Variants in GPC5 observed in about 807,000 individuals in gnomAD.
The protein encoded by GPC5 is glypican 5, also known as glypican-5.
Under a neutral mutation model 53.9 loss-of-function variants are expected in GPC5, and 47 were observed. The ratio of observed to expected loss-of-function variants is 0.87; its 90% confidence interval spans 0.69 to 1.11. The LOEUF (loss-of-function observed/expected upper bound fraction) is 1.11. GPC5 is among the 50% of genes most tolerant of loss of function. GPC5 has a pLI of 0.00. For synonymous variants in GPC5, 286 were observed against 263.3 expected (o/e 1.09, Z -0.84); for missense variants, 748 against 713.1 (o/e 1.05, Z -0.56).
At chr13:92,559,330 ATGTGTGTGTGTGTGTG>A (rs5805755) in intron 7 of GPC5, among the ~76,000 whole-genome samples, 2 of 143,118 alleles carry the variant, frequency 1.4e-5, no homozygotes, top group Non-Finnish European at 3.1e-5. Flanking sequence ...TAGTGTGTAT[ATGTGTGTGTGTGTGTG>A]TGTGTGTGTG....
intron 7 of GPC5, among the ~76,000 whole-genome samples, chr13:92,426,032 T>C (rs1876817123): frequency 6.6e-6 from 1 of 152,096 alleles, no homozygotes. Context: ...TTATTCTACT[T>C]TTCTGTTAAA....
chr13:92,422,535 T>C (rs1876624380), intron 7 of GPC5, among the ~76,000 whole-genome samples: 1 of 129,888 alleles, frequency 7.7e-6, no homozygotes, highest in African/African-American at 3.0e-5. Flanking sequence ...CACACACAAC[T>C]TCTTGGAAAG....
chr13:92,753,799 G>C (rs1278281834), intron 7 of GPC5, among the ~76,000 whole-genome samples: 1 of 152,106 alleles, frequency 6.6e-6, no homozygotes, highest in Non-Finnish European at 1.5e-5. Flanking sequence ...AAAAAGAAAT[G>C]AGCAAAGCCT....
Position 92,193,400 on chromosome 13 carries a change from G to A in GPC5, c.1561+48411G>A, listed in dbSNP as rs886076814. 1.3e-5 allele frequency among the ~76,000 whole-genome samples: 2 copies of A among 152,058 alleles called. 1 individual carries two copies. Among genetic ancestry groups the A allele is most frequent in the Admixed American group, 1.3e-4 (2 of 15,268 alleles). On this transcript the variant is annotated intron_variant, in intron 7 of 7. Transcript: ENST00000377067. ...ACAAATTCTGAACTCCATATCTCCA[G>A]TACTGTGAAAGAGTAACAGTATTCA...
chr13:92,463,805 A>G (rs747495423), intron 7 of GPC5, among the ~76,000 whole-genome samples: 8 of 152,210 alleles, frequency 5.3e-5, no homozygotes, highest in Non-Finnish European at 1.0e-4. Context: ...ATGAAATGTC[A>G]CATTTTTATT....
chr13:92,478,275 G>C (rs971425457), intron 7 of GPC5, among the ~76,000 whole-genome samples: 2 of 152,152 alleles, frequency 1.3e-5, no homozygotes, highest in African/African-American at 4.8e-5. Context: ...AATGTTGAAT[G>C]TCAAAACCTG....
chr13:92,606,896 C>A (rs2139089280), intron 7 of GPC5, among the ~76,000 whole-genome samples: 1 of 152,214 alleles, frequency 6.6e-6, no homozygotes, highest in South Asian at 2.1e-4. Flanking sequence ...ACTTTATAAG[C>A]AATTACTCCA....
chr13:91,593,926 AG>A lies in GPC5; in HGVS notation c.326-99260del, dbSNP rs1369468840. Among the ~76,000 whole-genome samples, 20 of 152,094 alleles carry A rather than the reference AG, an allele frequency of 1.3e-4. No individual in the cohort carries two copies. In the East Asian group the frequency reaches 1.9e-3, roughly 15 times the overall value. On this transcript the variant is annotated intron_variant, in intron 2 of 7. Transcript: ENST00000377067. The stretch of plus-strand genomic sequence containing the variant: ...CACAAAGAACTAAAAAAAAAAAAAA[AG>A]AATGTTATTTGACAGGTTAAATAAA...
chr13:92,150,484 T>G (rs191599899), intron 7 of GPC5, among the ~76,000 whole-genome samples: 1 of 152,162 alleles, frequency 6.6e-6, no homozygotes, highest in Admixed American at 6.5e-5. Context: ...TCCATTTTGG[T>G]TTCTAAATAA....
At chr13:91,818,181 C>T (rs965138760) in intron 5 of GPC5, among the ~76,000 whole-genome samples, 22 of 152,056 alleles carry the variant, frequency 1.4e-4, no homozygotes, top group African/African-American at 3.4e-4. Flanking sequence ...GCAGTTGGTA[C>T]GAAAATATTT....
At chr13:92,068,155 T>A (rs879867189) in intron 6 of GPC5, among the ~76,000 whole-genome samples, 7 of 151,982 alleles carry the variant, frequency 4.6e-5, no homozygotes, top group African/African-American at 1.4e-4. Context: ...CACATGTAGA[T>A]TGAACCTTGT....
intron 5 of GPC5, among the ~76,000 whole-genome samples, chr13:91,768,120 G>C (rs117389613): frequency 6.6e-5 from 10 of 152,234 alleles, no homozygotes; most frequent in Non-Finnish European, 1.2e-4. Context: ...TAAATTCACT[G>C]TTGAATGATT....
chr13:91,957,140 A>C (rs376890893), intron 6 of GPC5, among the ~76,000 whole-genome samples: 1 of 152,318 alleles, frequency 6.6e-6, no homozygotes, highest in East Asian at 1.9e-4. Context: ...ATAGTAAAAA[A>C]ATGGAAATTC....
intron 6 of GPC5, among the ~76,000 whole-genome samples, chr13:92,094,034 C>A (rs1452690293): frequency 6.6e-6 from 1 of 152,070 alleles, no homozygotes; most frequent in Admixed American, 6.6e-5. Flanking sequence ...CCTCATAATG[C>A]TATCATTTGA....
chr13:91,940,065 AT>A (rs1171847711), intron 6 of GPC5, among the ~76,000 whole-genome samples: 3 of 151,966 alleles, frequency 2.0e-5, no homozygotes, highest in Non-Finnish European at 4.4e-5. Context: ...CCCCTATTCT[AT>A]TTTGTTTTAA....
chr13:92,071,196 A>G (rs1278789293), intron 6 of GPC5, among the ~76,000 whole-genome samples: 2 of 152,170 alleles, frequency 1.3e-5, no homozygotes, highest in Admixed American at 6.6e-5. Context: ...AGATTGTGCC[A>G]CTACAATCCA....
intron 7 of GPC5, among the ~76,000 whole-genome samples, chr13:92,294,826 C>CTTTTTTTTTTT (rs147963724): frequency 1.9e-4 from 19 of 98,998 alleles, no homozygotes; most frequent in South Asian, 3.6e-4. Context: ...TTTTTTTTTT[C>CTTTTTTTTTTT]TTTTTTTTTT....
At chr13:92,866,113 C>T (rs1379481359) in intron 7 of GPC5, among the ~76,000 whole-genome samples, 169 bp from the exon 8 acceptor site, 1 of 152,154 alleles carries the variant, frequency 6.6e-6, no homozygotes, top group African/African-American at 2.4e-5. Flanking sequence ...ACTCTCCAAT[C>T]TAAGTAGGAC....
chr13:91,854,953 T>G (rs1424732365), intron 5 of GPC5, among the ~76,000 whole-genome samples: 1 of 151,786 alleles, frequency 6.6e-6, no homozygotes, highest in African/African-American at 2.4e-5. Flanking sequence ...TTTTTTTCTA[T>G]TCTCTAAGAT....
Sources: gnomAD v4.1 joint callset for allele counts (sites outside exome capture counted in the v4.1 genomes callset) on GRCh38, gnomAD v4.1.1 for gene constraint, MANE v1.5 for transcripts, NCBI Gene and HGNC (gene_info 2026-07-23, HGNC 2026-07-21) for gene names.